ADAMTS19: variants seen among roughly 807,000 people sequenced by gnomAD.
ADAMTS19 encodes the protein A disintegrin and metalloproteinase with thrombospondin motifs 19.
In ADAMTS19, 93 loss-of-function variants were observed where a neutral mutation model predicts 153.3. The observed-to-expected ratio is 0.61, with a 90% CI of 0.51 to 0.72. The LOEUF is 0.72. Among genes scored for constraint, ADAMTS19 ranks in the 30% least tolerant of loss-of-function variants. ADAMTS19 has a pLI of 0.00. For missense variants in ADAMTS19, 1,482 were observed against 1,552.1 expected, an observed-to-expected ratio of 0.95 and a Z score of 0.76; for synonymous variants, 600 against 556.6, an observed-to-expected ratio of 1.08 and a Z score of -1.10.
intron 19 of ADAMTS19, among the ~76,000 whole-genome samples, chr5:129,699,935 G>T (rs2127157488): frequency 6.6e-6 from 1 of 152,230 alleles, no homozygotes; most frequent in South Asian, 2.1e-4. Context: ...TTAAAAAATA[G>T]AAACTTACAG....
chr5:129,467,592 AGATT>A (rs1258863616), intron 2 of ADAMTS19, among the ~76,000 whole-genome samples: 1 of 152,212 alleles, frequency 6.6e-6, no homozygotes, highest in Non-Finnish European at 1.5e-5. Flanking sequence ...GATGTGTGTC[AGATT>A]GACTTTAGAG....
Position 129,504,872 on chromosome 5 carries a change from G to GACACACAC in ADAMTS19, c.748-4180_748-4173dup, listed in dbSNP as rs34742030. On this transcript the variant is annotated intron_variant, in intron 2 of 22. Transcript: ENST00000274487. Reference sequence around the variant, plus strand: ...GTAGTATTCTGTCTACACACACACAGACACACACACACACACACACACACA... The same window carrying GACACACAC: ...GTAGTATTCTGTCTACACACACACAGACACACACACACACACACACACACACACACACA... Among the ~76,000 whole-genome samples, 984 of 148,206 alleles carry GACACACAC rather than the reference G, an allele frequency of 6.6e-3. 7 individuals are homozygous for GACACACAC. Among genetic ancestry groups the GACACACAC allele is most frequent in the East Asian group, 0.028 (139 of 4,932 alleles).
chr5:129,570,967 T>C (rs1753882207), intron 7 of ADAMTS19, among the ~76,000 whole-genome samples: 1 of 151,904 alleles, frequency 6.6e-6, no homozygotes, highest in Admixed American at 6.6e-5. Flanking sequence ...GCAGTTAATG[T>C]CACATTTAAT....
intron 8 of ADAMTS19, among the ~76,000 whole-genome samples, chr5:129,613,211 A>G (rs887381449): frequency 1.4e-4 from 22 of 152,102 alleles, no homozygotes; most frequent in African/African-American, 5.3e-4. Context: ...AGAACTCTCC[A>G]CCCCAAATCA....
At chr5:129,490,774 G>A (rs1403944675) in intron 2 of ADAMTS19, among the ~76,000 whole-genome samples, 1 of 152,064 alleles carries the variant, frequency 6.6e-6, no homozygotes, top group African/African-American at 2.4e-5. Context: ...ACTGCTCTCA[G>A]TTATCTTTGT....
intron 16 of ADAMTS19, among the ~76,000 whole-genome samples, chr5:129,666,001 C>T (rs960699599): frequency 1.1e-4 from 17 of 149,236 alleles, no homozygotes; most frequent in Admixed American, 3.4e-4. Flanking sequence ...ATAAAATGAT[C>T]GTTTCGTCAG....
At position 129,707,758 on chromosome 5, in the gene ADAMTS19, G is replaced by A. The variant is rs985882864; in HGVS notation, c.3312+3367G>A. The stretch of plus-strand genomic sequence containing the variant: ...AGGTCAGTTAATCTGTCAGTTTCAC[G>A]CAAAGTCTGCCCTATTTTTAAAGTG... On this transcript the variant is annotated intron_variant, in intron 21 of 22. Coordinates refer to ENST00000274487, the MANE Select transcript of ADAMTS19 (RefSeq NM_133638.6). Among the ~76,000 whole-genome samples, 8 of 152,142 alleles carry A rather than the reference G, an allele frequency of 5.3e-5. No homozygotes were observed. In the South Asian group the frequency reaches 6.2e-4, roughly 12 times the overall value.
At chr5:129,665,080 T>C (rs766111570) in intron 15 of ADAMTS19, among the ~76,000 whole-genome samples, 1 of 152,140 alleles carries the variant, frequency 6.6e-6, no homozygotes, top group Non-Finnish European at 1.5e-5. Flanking sequence ...CCAGGCCTGC[T>C]ATATTTTCTC....
rs1286820928 is a variant in ADAMTS19, at chr5:129,535,400, T to G, written c.1328+6723T>G. Among the ~76,000 whole-genome samples, 7 of 152,050 alleles carry G rather than the reference T, an allele frequency of 4.6e-5. No homozygotes were observed. The East Asian group carries it at 9.7e-4, about 21-fold the overall frequency. Reference sequence around the variant, plus strand: ...AGGAGAACTACAAACCACTGCTCAATGAAATAAAAGAGAATACAAACAAAT... The same window carrying G: ...AGGAGAACTACAAACCACTGCTCAAGGAAATAAAAGAGAATACAAACAAAT... On this transcript the variant is annotated intron_variant, in intron 6 of 22. Coordinates refer to ENST00000274487, the MANE Select transcript of ADAMTS19 (RefSeq NM_133638.6).
chr5:129,719,340 G>A (rs1456661012), intron 21 of ADAMTS19, among the ~76,000 whole-genome samples: 3 of 152,006 alleles, frequency 2.0e-5, no homozygotes, highest in Non-Finnish European at 2.9e-5. Context: ...CTAAATCTAC[G>A]CATTTATTTA....
At chr5:129,500,697 G>A (rs1434719083) in intron 2 of ADAMTS19, 1 of 152,096 alleles carries the variant, frequency 6.6e-6, no homozygotes, top group Non-Finnish European at 1.5e-5. Flanking sequence ...GACCCAGCTG[G>A]ATAAATGGTG....
intron 2 of ADAMTS19, among the ~76,000 whole-genome samples, chr5:129,489,614 A>G (rs912766152): frequency 2.0e-5 from 3 of 152,170 alleles, no homozygotes; most frequent in Non-Finnish European, 1.5e-5. Context: ...TAAAATGTTC[A>G]TTACTATTAG....
At chr5:129,644,391 A>T (rs1232778847) in intron 11 of ADAMTS19, among the ~76,000 whole-genome samples, 2 of 152,196 alleles carry the variant, frequency 1.3e-5, no homozygotes, top group African/African-American at 4.8e-5. Context: ...TGCAAGCTCA[A>T]TACATTGCTA....
At chr5:129,588,670 A>T (rs1051462078) in intron 7 of ADAMTS19, among the ~76,000 whole-genome samples, 1 of 151,678 alleles carries the variant, frequency 6.6e-6, no homozygotes, top group Non-Finnish European at 1.5e-5. Context: ...ATGCATAATA[A>T]TATTTTTACC....
At chr5:129,580,869 G>A (rs992537343) in intron 7 of ADAMTS19, among the ~76,000 whole-genome samples, 2 of 152,106 alleles carry the variant, frequency 1.3e-5, no homozygotes, top group East Asian at 3.9e-4. Flanking sequence ...ATCGATGTTC[G>A]TCAGGGATAT....
At chr5:129,725,732 G>A (rs1757181650) in intron 21 of ADAMTS19, among the ~76,000 whole-genome samples, 1 of 152,000 alleles carries the variant, frequency 6.6e-6, no homozygotes, top group African/African-American at 2.4e-5. Context: ...CCCTGGTCAT[G>A]TCTGCCTGAC....
chr5:129,626,104 G>A (rs1293916590), intron 10 of ADAMTS19, among the ~76,000 whole-genome samples: 2 of 152,026 alleles, frequency 1.3e-5, no homozygotes. Context: ...ACAATTTGAG[G>A]TCTAGAGCAG....
At chr5:129,557,242 G>A (rs1753345066) in intron 7 of ADAMTS19, among the ~76,000 whole-genome samples, 1 of 152,118 alleles carries the variant, frequency 6.6e-6, no homozygotes, top group Non-Finnish European at 1.5e-5. Flanking sequence ...CTAGCTGAGA[G>A]ATTAGCCAAA....
chr5:129,708,734 A>C (rs1293470870), intron 21 of ADAMTS19, among the ~76,000 whole-genome samples: 1 of 152,124 alleles, frequency 6.6e-6, no homozygotes, highest in African/African-American at 2.4e-5. Flanking sequence ...TCTGTTGAGA[A>C]ACAAGGCACC....
Sources: allele counts gnomAD v4.1 joint callset (sites outside exome capture counted in the v4.1 genomes callset), GRCh38; gene constraint gnomAD v4.1.1; transcripts MANE v1.5; gene names NCBI Gene and HGNC (gene_info 2026-07-23, HGNC 2026-07-21).